RNFT2: variants seen among roughly 807,000 people sequenced by gnomAD.
RNFT2 encodes ring finger protein, transmembrane 2, also known as E3 ubiquitin-protein ligase RNFT2.
A neutral mutation model predicts 53.0 loss-of-function variants in RNFT2; 36 were observed. The observed-to-expected ratio is 0.68, with a 90% CI of 0.52 to 0.90. RNFT2 has a LOEUF of 0.90. Among genes scored for constraint, RNFT2 ranks in the 40% least tolerant of loss-of-function variants. The pLI, the probability that RNFT2 is intolerant of heterozygous loss-of-function variation, is 0.00. For synonymous variants in RNFT2, 260 were observed against 253.2 expected (o/e 1.03, Z -0.26); for missense variants, 514 against 585.6 (o/e 0.88, Z 1.26).
intron 7 of RNFT2, among the ~76,000 whole-genome samples, chr12:116,831,841 T>C (rs1292724668): frequency 1.3e-5 from 2 of 151,852 alleles, no homozygotes; most frequent in Non-Finnish European, 2.9e-5. Flanking sequence ...TATTTCATAT[T>C]TCTAGGCCAG....
chr12:116,852,111 C>T lies in RNFT2; in HGVS notation c.*2663C>T. ...ATCTGGCATGAGATGGCACAGGTGA[C>T]CACGCAGAAGCCACCAGAATCTTGC... On this transcript the variant is annotated 3_prime_UTR_variant, in exon 11 of 11. Coordinates refer to ENST00000257575, the MANE Select transcript of RNFT2 (RefSeq NM_001382266.1). The T allele has an allele frequency of 1.0e-6, 1 of 1,001,784 alleles. No homozygotes were observed. Among genetic ancestry groups the T allele is most frequent in the Non-Finnish European group, 1.4e-6 (1 of 713,296 alleles). 62.1% of individuals were successfully genotyped at this position (1,001,784 alleles called of 1,614,324 possible).
At chr12:116,838,277 A>G (rs968661890) in intron 10 of RNFT2, among the ~76,000 whole-genome samples, 1 of 152,212 alleles carries the variant, frequency 6.6e-6, no homozygotes, top group Admixed American at 6.5e-5. Context: ...ACCTGGGCCC[A>G]TCGTGTTGAT....
At chr12:116,814,004 C>A (rs1481988387) in intron 7 of RNFT2, among the ~76,000 whole-genome samples, 1 of 152,146 alleles carries the variant, frequency 6.6e-6, no homozygotes, top group Non-Finnish European at 1.5e-5. Context: ...AAGTGCTAGG[C>A]TCGATTTATC....
intron 6 of RNFT2, among the ~76,000 whole-genome samples, chr12:116,771,872 C>A (rs931914412): frequency 6.6e-6 from 1 of 152,178 alleles, no homozygotes; most frequent in Admixed American, 6.5e-5. Context: ...TCTTTTGAAA[C>A]GAGACGCTTC....
Position 116,851,403 on chromosome 12 carries a change from C to CA in RNFT2, c.*1956dup. The CA allele has an allele frequency of 3.1e-6, 1 of 322,298 alleles. No individual in the cohort carries two copies. The highest frequency in any genetic ancestry group is 3.2e-5 in the South Asian group (1 of 31,732). 20.0% of individuals were successfully genotyped at this position (322,298 alleles called of 1,614,324 possible). On this transcript the variant is annotated 3_prime_UTR_variant, in exon 11 of 11. Coordinates refer to ENST00000257575, the MANE Select transcript of RNFT2 (RefSeq NM_001382266.1). Reference sequence around the variant, plus strand: ...TTAACCTCCGCACTGCTCTGCCCCTCAGACATTCCAGGCATGGGGCCCAGC... The same window carrying CA: ...TTAACCTCCGCACTGCTCTGCCCCTCAAGACATTCCAGGCATGGGGCCCAGC...
At chr12:116,837,470 G>T (rs1314395434) in intron 10 of RNFT2, among the ~76,000 whole-genome samples, 1 of 152,172 alleles carries the variant, frequency 6.6e-6, no homozygotes, top group African/African-American at 2.4e-5. Flanking sequence ...GCATGGAAAG[G>T]CTTACGGGTA....
chr12:116,828,261 G>A (rs1377390043), intron 7 of RNFT2, among the ~76,000 whole-genome samples: 4 of 152,110 alleles, frequency 2.6e-5, no homozygotes, highest in Admixed American at 6.5e-5. Context: ...ATGTGCACTC[G>A]GGTCACCTGG....
At chr12:116,795,903 T>C (rs556165068) in intron 7 of RNFT2, among the ~76,000 whole-genome samples, 1 of 152,104 alleles carries the variant, frequency 6.6e-6, no homozygotes, top group East Asian at 1.9e-4. Flanking sequence ...TCTCCAGTGG[T>C]CATTTCTTTT....
chr12:116,776,827 G>T (rs1046290282), intron 6 of RNFT2, among the ~76,000 whole-genome samples: 1 of 151,866 alleles, frequency 6.6e-6, no homozygotes, highest in Non-Finnish European at 1.5e-5. Flanking sequence ...TTGAGTACTG[G>T]TTCCAATCTA....
At chr12:116,842,335 A>C (rs1279833374) in intron 10 of RNFT2, among the ~76,000 whole-genome samples, 1 of 152,036 alleles carries the variant, frequency 6.6e-6, no homozygotes. Context: ...GCATGAGGCT[A>C]TGAACACCAG....
At chr12:116,831,818 TC>T (rs1876667689) in intron 7 of RNFT2, among the ~76,000 whole-genome samples, 4 of 151,824 alleles carry the variant, frequency 2.6e-5, no homozygotes, top group African/African-American at 4.8e-5. Flanking sequence ...CCCATCCCAA[TC>T]AAGATATAAA....
chr12:116,784,071 T>G (rs902558322), intron 7 of RNFT2, among the ~76,000 whole-genome samples: 1 of 152,176 alleles, frequency 6.6e-6, no homozygotes, highest in East Asian at 1.9e-4. Context: ...CAGCTAGAAA[T>G]TGAAGAGCAA....
intron 7 of RNFT2, among the ~76,000 whole-genome samples, chr12:116,779,900 T>C (rs1566078847): frequency 6.6e-6 from 1 of 152,058 alleles, no homozygotes; most frequent in Non-Finnish European, 1.5e-5. Context: ...GGAATAGACA[T>C]TGGAGTTCAG....
At chr12:116,816,047 G>A (rs1875641711) in intron 7 of RNFT2, among the ~76,000 whole-genome samples, 1 of 152,214 alleles carries the variant, frequency 6.6e-6, no homozygotes, top group Non-Finnish European at 1.5e-5. Context: ...GAGCATTTGT[G>A]CTTAAGACTA....
intron 7 of RNFT2, among the ~76,000 whole-genome samples, chr12:116,825,245 T>G (rs1473832036): frequency 6.6e-6 from 1 of 152,204 alleles, no homozygotes; most frequent in Non-Finnish European, 1.5e-5. Context: ...TAGCTTGGGC[T>G]TCCCACAAAC....
intron 7 of RNFT2, among the ~76,000 whole-genome samples, chr12:116,815,921 C>A (rs1875634196): frequency 6.6e-6 from 1 of 152,156 alleles, no homozygotes; most frequent in Admixed American, 6.5e-5. Context: ...GGGCTCCAGA[C>A]CACCAGGAAA....
intron 3 of RNFT2, 55 bp downstream of exon 3, chr12:116,741,149 G>T: frequency 6.9e-7 from 1 of 1,457,140 alleles, no homozygotes; most frequent in South Asian, 1.2e-5. Context: ...GGTGGTGAGG[G>T]GCAACCCAAA....
chr12:116,781,561 T>C (rs1399804130), intron 7 of RNFT2, among the ~76,000 whole-genome samples: 1 of 151,710 alleles, frequency 6.6e-6, no homozygotes, highest in East Asian at 1.9e-4. Context: ...TCCGAGTCAG[T>C]GATGGCAGGT....
intron 7 of RNFT2, among the ~76,000 whole-genome samples, chr12:116,815,557 C>G (rs1326560142): frequency 1.3e-5 from 2 of 152,276 alleles, no homozygotes; most frequent in African/African-American, 4.8e-5. Context: ...TGTCTGTTGT[C>G]TCATTGTCTT....
Sources: allele counts gnomAD v4.1 joint callset (sites outside exome capture counted in the v4.1 genomes callset), GRCh38; gene constraint gnomAD v4.1.1; transcripts MANE v1.5; gene names NCBI Gene and HGNC (gene_info 2026-07-23, HGNC 2026-07-21).